IHO1: variants seen among roughly 807,000 people sequenced by gnomAD.
IHO1 encodes the protein interactor of HORMAD1 protein 1.
A neutral mutation model predicts 31.0 loss-of-function variants in IHO1; 13 were observed. The ratio of observed to expected loss-of-function variants is 0.42; its 90% CI spans 0.27 to 0.67. The LOEUF (loss-of-function observed/expected upper bound fraction) is 0.67. Ranked by LOEUF, IHO1 falls within the 30% of genes least tolerant of loss-of-function variation. The pLI is 0.24. For missense variants in IHO1, 599 were observed against 687.5 expected (o/e 0.87, Z 1.44); for synonymous variants, 221 against 248.4 (o/e 0.89, Z 1.04).
At chr3:49,210,140 C>T (rs1014299357) in intron 1 of IHO1, among the ~76,000 whole-genome samples, 10 of 149,232 alleles carry the variant, frequency 6.7e-5, no homozygotes, top group Non-Finnish European at 1.3e-4. Context: ...GTGATCCTGC[C>T]GCCTCAGCCT....
At chr3:49,225,545 A>C (rs1191994408) in intron 2 of IHO1, among the ~76,000 whole-genome samples, 1 of 152,178 alleles carries the variant, frequency 6.6e-6, no homozygotes, top group Admixed American at 6.5e-5. Context: ...CCCAAACTTC[A>C]GGGTTGATTC....
At chr3:49,202,932 G>T (rs1421759606) in intron 1 of IHO1, among the ~76,000 whole-genome samples, 1 of 143,390 alleles carries the variant, frequency 7.0e-6, no homozygotes, top group Non-Finnish European at 1.5e-5. Context: ...GCGCAATCTC[G>T]GCTCACTGCA....
intron 2 of IHO1, among the ~76,000 whole-genome samples, chr3:49,217,023 A>C (rs1048771497): frequency 1.3e-5 from 2 of 152,208 alleles, no homozygotes; most frequent in African/African-American, 4.8e-5. Context: ...AAATAGGAAC[A>C]CTTTTACACT....
At chr3:49,215,246 C>T (rs1053707857) in intron 2 of IHO1, among the ~76,000 whole-genome samples, 6 of 151,714 alleles carry the variant, frequency 4.0e-5, no homozygotes, top group African/African-American at 4.8e-5. Flanking sequence ...GACGAGGTTT[C>T]GCTATGTTGG....
chr3:49,245,095 C>G, intron 6 of IHO1: 1 of 481,504 alleles, frequency 2.1e-6, no homozygotes, highest in Non-Finnish European at 3.7e-6. Flanking sequence ...ACTGACTGCC[C>G]CCTTAGGAGT....
At chr3:49,243,250 C>A (rs909774876) in intron 4 of IHO1, among the ~76,000 whole-genome samples, 3 of 152,068 alleles carry the variant, frequency 2.0e-5, no homozygotes, top group Non-Finnish European at 4.4e-5. Flanking sequence ...TCAAGCGATT[C>A]AAGTGCCCCA....
chr3:49,213,167 A>G (rs978610110), intron 2 of IHO1, among the ~76,000 whole-genome samples: 3 of 151,148 alleles, frequency 2.0e-5, no homozygotes, highest in African/African-American at 7.3e-5. Context: ...TGATTGTTGT[A>G]TTTACAATCC....
At chr3:49,218,383 T>TA (rs2046314972) in intron 2 of IHO1, among the ~76,000 whole-genome samples, 1 of 145,796 alleles carries the variant, frequency 6.9e-6, no homozygotes, top group East Asian at 2.0e-4. Context: ...TACCTTTTTT[T>TA]TTTTTTTTTT....
At chr3:49,226,402 A>T (rs756082448) in intron 2 of IHO1, among the ~76,000 whole-genome samples, 94 of 152,170 alleles carry the variant, frequency 6.2e-4, no homozygotes, top group Non-Finnish European at 8.1e-4. Flanking sequence ...TATTTTCTTA[A>T]GGCTTCCCGT....
At chr3:49,230,648 T>C (rs1321190438) in intron 2 of IHO1, among the ~76,000 whole-genome samples, 2 of 152,196 alleles carry the variant, frequency 1.3e-5, no homozygotes, top group African/African-American at 4.8e-5. Flanking sequence ...TTATGACCAC[T>C]TGCAAAATTC....
At chr3:49,191,902 G>T in the IHO1 span, 1 of 833,178 alleles carries the variant, frequency 1.2e-6, no homozygotes, top group Admixed American at 2.0e-5. Context: ...GCACAATGCT[G>T]CTGCTGTTTG....
intron 2 of IHO1, among the ~76,000 whole-genome samples, chr3:49,226,198 A>G (rs895894817): frequency 6.6e-6 from 1 of 151,708 alleles, no homozygotes; most frequent in Non-Finnish European, 1.5e-5. Flanking sequence ...CCTTTCTCTG[A>G]TCTCACTTTT....
chr3:49,193,436 C>T (rs1031185370), upstream of IHO1, among the ~76,000 whole-genome samples: 42 of 152,110 alleles, frequency 2.8e-4, no homozygotes, highest in Non-Finnish European at 4.1e-4. Flanking sequence ...CGGTAGCTCA[C>T]GCCTGTAATC....
intron 3 of IHO1, among the ~76,000 whole-genome samples, chr3:49,237,141 A>G (rs1174451084): frequency 6.6e-6 from 1 of 152,132 alleles, no homozygotes; most frequent in Non-Finnish European, 1.5e-5. Context: ...CAAGGTCAGG[A>G]GTTCAAGACC....
chr3:49,247,035 G>GA (rs937061677), intron 6 of IHO1, among the ~76,000 whole-genome samples: 10 of 151,756 alleles, frequency 6.6e-5, no homozygotes, highest in Non-Finnish European at 1.2e-4. Context: ...TTTTAGTAGA[G>GA]ACGGGGTTTC....
At chr3:49,236,462 T>A (rs901395609) in intron 2 of IHO1, 86 bp from the exon 3 acceptor site, 2 of 983,872 alleles carry the variant, frequency 2.0e-6, no homozygotes, top group Non-Finnish European at 3.0e-6. Context: ...CTGCCCAAAA[T>A]GTTCTGAAAT....
chr3:49,222,755 A>G (rs2046369360), intron 2 of IHO1, among the ~76,000 whole-genome samples: 1 of 152,154 alleles, frequency 6.6e-6, no homozygotes, highest in South Asian at 2.1e-4. Flanking sequence ...CTTTCAAAAT[A>G]GGAGATGCAA....
At chr3:49,191,642 G>T in the IHO1 span, 3 of 1,318,724 alleles carry the variant, frequency 2.3e-6, no homozygotes, top group East Asian at 2.3e-5. Flanking sequence ...ATTCCAGGTT[G>T]GATGCCAAAT....
At position 49,239,335 on chromosome 3, in the gene IHO1, G is replaced by T. The variant is rs185157832; in HGVS notation, c.232-1891G>T. On this transcript the variant is annotated intron_variant, in intron 3 of 7. Coordinates refer to ENST00000452691, the MANE Select transcript of IHO1 (RefSeq NM_001135197.2). ...AGCCTCACTGTTGCCAGACTGGAGT[G>T]CAGTGGCATGATCTCAGCTCACTAC... is the stretch of plus-strand genomic sequence containing the variant. 3.0e-3 allele frequency among the ~76,000 whole-genome samples: 454 copies of T among 151,508 alleles called. 3 individuals are homozygous for T. Among genetic ancestry groups the T allele is most frequent in the African/African-American group, 9.4e-3 (388 of 41,290 alleles).
Sources: gnomAD v4.1 joint callset for allele counts (sites outside exome capture counted in the v4.1 genomes callset) on GRCh38, gnomAD v4.1.1 for gene constraint, MANE v1.5 for transcripts, NCBI Gene and HGNC (gene_info 2026-07-23, HGNC 2026-07-21) for gene names.